TRIM66: variants seen among roughly 807,000 people sequenced by gnomAD.
TRIM66 encodes the protein tripartite motif-containing protein 66.
A neutral mutation model predicts 148.2 loss-of-function variants in TRIM66; 99 were observed. The observed-to-expected ratio is 0.67, with a 90% CI of 0.57 to 0.79. TRIM66 has a LOEUF of 0.79. TRIM66 is among the 30% of genes least tolerant of loss of function. The pLI is 0.00. For missense variants in TRIM66, 1,666 were observed against 1,697.9 expected, an observed-to-expected ratio of 0.98 and a Z score of 0.33; for synonymous variants, 616 against 635.9, an observed-to-expected ratio of 0.97 and a Z score of 0.47.
chr11:8,644,705 C>T (rs1361606487), intron 12 of TRIM66, among the ~76,000 whole-genome samples: 1 of 152,172 alleles, frequency 6.6e-6, no homozygotes, highest in African/African-American at 2.4e-5. Flanking sequence ...AAAAGTTTCC[C>T]CCAACTCTGC....
At chr11:8,683,162 C>G (rs746896934), upstream of TRIM66, 45 of 1,603,904 alleles carry the variant, frequency 2.8e-5, no homozygotes, top group Non-Finnish European at 3.8e-5. Context: ...CCCCCTGCCC[C>G]TAATTCCTTA....
Position 8,621,652 on chromosome 11 carries a change from G to C in TRIM66, c.3248C>G (p.Ser1083Cys). ...GGCAAAGCAAAGTGGTACCTTAATG[G>C]ACATGCTGGAGGACTCAGTGCCACA... is the stretch of plus-strand genomic sequence containing the variant. ...IECGTESSSM[S>C]IKVSQDRLSE... The change falls in exon 19 of 25, where the codon TCC becomes TGC. Residue 1083 changes from serine (S) to cysteine (C), a missense_variant. Physicochemically the swap from Ser to Cys is moderately radical, Grantham distance 112. This residue lies in a region of TRIM66 where 1,431 missense variants were observed against 1,412.4 expected (regional missense o/e 1.01). Coordinates refer to ENST00000646038, the MANE Select transcript of TRIM66 (RefSeq NM_001388022.1). 1 of 1,532,384 alleles carries C rather than the reference G, an allele frequency of 6.5e-7. No individual in the cohort carries two copies. The highest frequency in any genetic ancestry group is 8.8e-7 in the Non-Finnish European group (1 of 1,139,132). 94.9% of individuals were successfully genotyped at this position (1,532,384 alleles called of 1,614,324 possible). A position where few individuals can be genotyped will look rare whatever the true frequency, so the allele number is the denominator to read the frequency against.
At chr11:8,623,578 T>A (rs567277603) in intron 17 of TRIM66, among the ~76,000 whole-genome samples, 4 of 152,296 alleles carry the variant, frequency 2.6e-5, no homozygotes, top group African/African-American at 9.6e-5. Context: ...ATTACACATA[T>A]AGGAAACAGA....
At chr11:8,642,843 CAAAAAAAAAA>C (rs60432547) in intron 13 of TRIM66, among the ~76,000 whole-genome samples, 156 bp downstream of exon 13, 1 of 73,234 alleles carries the variant, frequency 1.4e-5, no homozygotes, top group South Asian at 7.0e-4. Context: ...TCTTCCCCCT[CAAAAAAAAAA>C]AAAAAAAAAA....
intron 6 of TRIM66, among the ~76,000 whole-genome samples, chr11:8,671,117 G>A (rs1001598245): frequency 3.9e-5 from 6 of 152,188 alleles, no homozygotes; most frequent in Non-Finnish European, 8.8e-5. Context: ...AATCACTTGG[G>A]AAATACTGCA....
In TRIM66 at chr11:8,640,559, G is replaced by A; in HGVS notation, c.1816C>T (p.Pro606Ser). The change falls in exon 14 of 25, where the codon CCA (proline) becomes TCA (serine). Residue 606 changes from proline to serine, a missense_variant. Pro to Ser is a moderately conservative substitution (Grantham distance 74). This residue lies in a region of TRIM66 where 1,431 missense variants were observed against 1,412.4 expected (regional missense o/e 1.01). Transcript: ENST00000646038. ...QQPQQQLPPP[P>S]PPLPHPPPPL... ...GGTGGGGGATGGGGGAGGGGTGGTG[G>A]TGGAGGTGGTAGCTGCTGCTGTGGC... 1.3e-6 allele frequency: 2 copies of A among 1,547,354 alleles called. No individual in the cohort carries two copies. Among genetic ancestry groups the A allele is most frequent in the Non-Finnish European group, 1.7e-6 (2 of 1,145,236 alleles).
At chr11:8,658,930 G>C in intron 6 of TRIM66, 1 of 428,718 alleles carries the variant, frequency 2.3e-6, no homozygotes, top group Non-Finnish European at 3.1e-6. Flanking sequence ...TCCGTCACAA[G>C]CAGAGGATTA....
intron 6 of TRIM66, among the ~76,000 whole-genome samples, chr11:8,657,665 T>C (rs972559385): frequency 6.6e-6 from 1 of 151,910 alleles, no homozygotes; most frequent in Admixed American, 6.6e-5. Flanking sequence ...TCACCAACAG[T>C]CCTGCCCTCC....
At chr11:8,643,159 C>A in intron 12 of TRIM66, 33 bp from the exon 13 acceptor site, 2 of 1,526,032 alleles carry the variant, frequency 1.3e-6, no homozygotes, top group East Asian at 2.5e-5. Context: ...TTTATTTGGG[C>A]ATCTTGCACC....
At chr11:8,636,373 G>C (rs1297656451) in intron 15 of TRIM66, among the ~76,000 whole-genome samples, 2 of 152,190 alleles carry the variant, frequency 1.3e-5, no homozygotes, top group East Asian at 1.9e-4. Context: ...GAACCCATCA[G>C]GCGGTTACAG....
At chr11:8,643,941 T>C (rs1005681959) in intron 12 of TRIM66, among the ~76,000 whole-genome samples, 1 of 152,226 alleles carries the variant, frequency 6.6e-6, no homozygotes, top group Admixed American at 6.5e-5. Flanking sequence ...AGTTAACTAA[T>C]GTCCCAACGA....
chr11:8,665,597 G>C (rs984975217), intron 6 of TRIM66, among the ~76,000 whole-genome samples: 2 of 152,104 alleles, frequency 1.3e-5, no homozygotes, highest in Non-Finnish European at 2.9e-5. Context: ...AATATCCATG[G>C]GGGAGAGACA....
At chr11:8,621,888 C>T in intron 18 of TRIM66, 69 bp from the exon 19 acceptor site, 1 of 1,386,160 alleles carries the variant, frequency 7.2e-7, no homozygotes, top group Non-Finnish European at 9.6e-7. Context: ...AAGTCAGAAA[C>T]ATCCATGATC....
intron 6 of TRIM66, among the ~76,000 whole-genome samples, chr11:8,662,662 T>C (rs544250372): frequency 2.0e-5 from 3 of 152,268 alleles, no homozygotes; most frequent in Non-Finnish European, 4.4e-5. Flanking sequence ...ATGGGAAAAA[T>C]AAGATACTAA....
chr11:8,627,689 T>G (rs1012951137), intron 15 of TRIM66, among the ~76,000 whole-genome samples: 5 of 152,240 alleles, frequency 3.3e-5, no homozygotes, highest in African/African-American at 1.2e-4. Flanking sequence ...TCCATTTCTC[T>G]TTATTGTTTG....
At position 8,671,913 on chromosome 11, in the gene TRIM66, G is replaced by A. The variant is rs1305412927; in HGVS notation, c.213C>T (p.Cys71=). 6.5e-7 allele frequency: 1 copy of A among 1,536,022 alleles called. No individual in the cohort carries two copies. The highest frequency in any genetic ancestry group is 8.7e-7 in the Non-Finnish European group (1 of 1,146,922). The change falls in exon 6 of 25, where the codon TGC becomes TGT. Residue 71 remains cysteine (C), a synonymous_variant. Transcript: ENST00000646038. ...AGCCCATACCTGGCAGGTCCTGATG[G>A]CACAATGAGCAGGTCATTACCATGG... ...MEAMVMTCSL[C]HQDLPGMGSH...
In TRIM66 at chr11:8,618,526, GCA is replaced by G. The variant is rs143463321; in HGVS notation, c.4119+222_4119+223del. 5.8e-3 allele frequency among the ~76,000 whole-genome samples: 890 copies of G among 152,328 alleles called. 9 individuals are homozygous for G. Among genetic ancestry groups the G allele is most frequent in the African/African-American group, 0.02 (852 of 41,582 alleles). The stretch of plus-strand genomic sequence containing the variant: ...GCTGCTAAATGCTGGGTTACCCTGG[GCA>G]GGGACAGGCACCTTTCTGAGTTTCA... On this transcript the variant is annotated intron_variant, in intron 24 of 24. Transcript: ENST00000646038.
intron 14 of TRIM66, 23 bp downstream of exon 14, chr11:8,640,204 C>A: frequency 1.3e-6 from 2 of 1,545,060 alleles, no homozygotes; most frequent in Non-Finnish European, 1.7e-6. Flanking sequence ...AGAATATGCA[C>A]GCCAAGCCAC....
chr11:8,666,708 G>C (rs991365390), intron 6 of TRIM66, among the ~76,000 whole-genome samples: 5 of 152,132 alleles, frequency 3.3e-5, no homozygotes, highest in African/African-American at 1.2e-4. Context: ...AGGCAGATCA[G>C]GAATGACACT....
Sources: gnomAD v4.1 joint callset for allele counts (sites outside exome capture counted in the v4.1 genomes callset) on GRCh38, gnomAD v4.1.1 for gene constraint, gnomAD v4.1.1 regional missense constraint, MANE v1.5 for transcripts, NCBI Gene and HGNC (gene_info 2026-07-23, HGNC 2026-07-21) for gene names.